KIAA1217: variants seen among roughly 807,000 people sequenced by gnomAD.
KIAA1217 encodes the protein KIAA1217, also known as sickle tail protein homolog.
Under a neutral mutation model 163.9 loss-of-function variants are expected in KIAA1217, and 88 were observed. That is an observed-to-expected ratio of 0.54 (90% CI 0.45 to 0.64). The LOEUF (loss-of-function observed/expected upper bound fraction) is 0.64, where lower values mean the gene tolerates loss of function less well. Among genes scored for constraint, KIAA1217 ranks in the 30% least tolerant of loss-of-function variants. KIAA1217 has a pLI of 0.00. For synonymous variants in KIAA1217, 903 were observed against 923.1 expected, an observed-to-expected ratio of 0.98 and a Z score of 0.39; for missense variants, 2,372 against 2,475.0, an observed-to-expected ratio of 0.96 and a Z score of 0.88.
At chr10:24,536,180 A>T (rs1023279604) in intron 16 of KIAA1217, among the ~76,000 whole-genome samples, 2 of 152,156 alleles carry the variant, frequency 1.3e-5, no homozygotes, top group Admixed American at 1.3e-4. Flanking sequence ...TTCAGAGACA[A>T]ATCTCCAGGG....
At chr10:23,763,524 G>A (rs572081134) in intron 1 of KIAA1217, among the ~76,000 whole-genome samples, 1 of 152,098 alleles carries the variant, frequency 6.6e-6, no homozygotes, top group South Asian at 2.1e-4. Flanking sequence ...GGTAAATGGT[G>A]CTGAGAAAAC....
Position 24,407,328 on chromosome 10 carries a change from C to T in KIAA1217, c.554-25667C>T, listed in dbSNP as rs370653318. Among the ~76,000 whole-genome samples, 5 of 152,172 alleles carry T rather than the reference C, an allele frequency of 3.3e-5. 1 individual carries two copies. Among genetic ancestry groups the T allele is most frequent in the African/African-American group, 1.2e-4 (5 of 41,508 alleles). ...CGTGCGCATGTGATGAAGTCTCACT[C>T]TGTTGCCCCGGCTGGAGTATAATAG... On this transcript the variant is annotated intron_variant, in intron 3 of 20. Coordinates refer to ENST00000376454, the MANE Select transcript of KIAA1217 (RefSeq NM_019590.5).
intron 1 of KIAA1217, among the ~76,000 whole-genome samples, chr10:23,742,870 A>G (rs1053369757): frequency 1.3e-5 from 2 of 152,234 alleles, no homozygotes. Context: ...TGATCATCAT[A>G]TAACAAGAAG....
At chr10:24,132,390 G>A (rs1037007514) in intron 2 of KIAA1217, among the ~76,000 whole-genome samples, 24 of 152,208 alleles carry the variant, frequency 1.6e-4, no homozygotes, top group African/African-American at 3.9e-4. Flanking sequence ...AATGCCAGTC[G>A]CTGTAAGAAA....
chr10:24,097,744 G>A lies in KIAA1217; in HGVS notation c.-171+90370G>A, dbSNP rs1473177677. 4.6e-5 allele frequency among the ~76,000 whole-genome samples: 7 copies of A among 152,324 alleles called. No individual in the cohort carries two copies. In the East Asian group the frequency reaches 1.4e-3, roughly 29 times the overall value. On this transcript the variant is annotated intron_variant, in intron 2 of 18. Transcript: ENST00000376462. ...TAAAAAACAGAAGTCATATTTCAAA[G>A]ACTGTCTGCATACCTCTTCCAAATC... is the stretch of plus-strand genomic sequence containing the variant.
At chr10:24,076,880 T>A (rs577309665) in intron 2 of KIAA1217, among the ~76,000 whole-genome samples, 1 of 110,092 alleles carries the variant, frequency 9.1e-6, no homozygotes, top group South Asian at 2.3e-4. Flanking sequence ...TTTCCATCTT[T>A]TTTTTTTTTT....
chr10:24,043,367 T>C (rs1418540679), intron 2 of KIAA1217, among the ~76,000 whole-genome samples: 1 of 152,186 alleles, frequency 6.6e-6, no homozygotes, highest in Non-Finnish European at 1.5e-5. Context: ...AAGTCTATTT[T>C]ATAATTTTAA....
At chr10:24,532,778 G>A (rs2073321661) in intron 15 of KIAA1217, among the ~76,000 whole-genome samples, 2 of 152,160 alleles carry the variant, frequency 1.3e-5, no homozygotes, top group African/African-American at 4.8e-5. Flanking sequence ...AATTACGGGA[G>A]CTACAGTTCA....
Position 24,520,209 on chromosome 10 carries a change from C to G in KIAA1217, c.2264C>G (p.Ala755Gly). 6.2e-7 allele frequency: 1 copy of G among 1,614,148 alleles called. No homozygotes were observed. The highest frequency in any genetic ancestry group is 1.3e-5 in the African/African-American group (1 of 75,034). Residue 755 changes from alanine (A) to glycine (G), a missense_variant, in exon 11 of 21, where the codon GCT becomes GGT. Coordinates refer to ENST00000376454, the MANE Select transcript of KIAA1217 (RefSeq NM_019590.5). ...ACTCTGAAAGACGTGGAAGACGGGGCTTTCCTCCTGCGTCAAGTGGGAGAG... is the reference window on the plus strand; with the variant it reads ...ACTCTGAAAGACGTGGAAGACGGGGGTTTCCTCCTGCGTCAAGTGGGAGAG... ...LVTLKDVEDGAFLLRQVGEAV... is the reference protein window; with the variant it reads ...LVTLKDVEDGGFLLRQVGEAV...
At chr10:24,130,485 G>A (rs545541411) in intron 2 of KIAA1217, among the ~76,000 whole-genome samples, 16 of 152,254 alleles carry the variant, frequency 1.1e-4, no homozygotes, top group African/African-American at 2.6e-4. Flanking sequence ...TGCATAATCT[G>A]TATCAAAGCA....
At chr10:24,066,767 A>G (rs1443992287) in intron 2 of KIAA1217, among the ~76,000 whole-genome samples, 1 of 152,116 alleles carries the variant, frequency 6.6e-6, no homozygotes, top group African/African-American at 2.4e-5. Context: ...CTCCCCGTCA[A>G]TTTCAGGTAC....
At chr10:23,849,804 C>T (rs2131092198) in intron 1 of KIAA1217, among the ~76,000 whole-genome samples, 1 of 152,222 alleles carries the variant, frequency 6.6e-6, no homozygotes. Flanking sequence ...TCTGTTCTAA[C>T]TCAGTCTTGG....
At chr10:24,064,678 C>G (rs943792767) in intron 2 of KIAA1217, among the ~76,000 whole-genome samples, 1 of 152,142 alleles carries the variant, frequency 6.6e-6, no homozygotes, top group African/African-American at 2.4e-5. Flanking sequence ...GGAAGATTCC[C>G]TCTTTTTCTA....
chr10:23,863,845 C>T (rs538794209), intron 1 of KIAA1217, among the ~76,000 whole-genome samples: 1 of 152,194 alleles, frequency 6.6e-6, no homozygotes, highest in South Asian at 2.1e-4. Context: ...CACAGCTTTC[C>T]TTATATTACA....
At chr10:23,769,053 A>C (rs1834678606) in intron 1 of KIAA1217, among the ~76,000 whole-genome samples, 1 of 152,190 alleles carries the variant, frequency 6.6e-6, no homozygotes, top group African/African-American at 2.4e-5. Flanking sequence ...ATTGCAATAG[A>C]GAAAGAGTAA....
chr10:24,115,551 T>C (rs2063019154), intron 2 of KIAA1217, among the ~76,000 whole-genome samples: 3 of 152,226 alleles, frequency 2.0e-5, no homozygotes, highest in African/African-American at 7.2e-5. Flanking sequence ...GGCTGTTCTC[T>C]TCCTGTTCCC....
chr10:24,266,174 G>A (rs1430920663), intron 2 of KIAA1217, among the ~76,000 whole-genome samples: 5 of 151,834 alleles, frequency 3.3e-5, no homozygotes, highest in Non-Finnish European at 7.4e-5. Flanking sequence ...TGCCTCCCGG[G>A]TTCAAGCAAT....
At chr10:23,997,254 A>G (rs970685520) in intron 1 of KIAA1217, among the ~76,000 whole-genome samples, 1 of 152,222 alleles carries the variant, frequency 6.6e-6, no homozygotes, top group Non-Finnish European at 1.5e-5. Context: ...ACATTTTCCC[A>G]CATTATCACA....
chr10:23,719,748 C>A (rs1429327501), intron 1 of KIAA1217, among the ~76,000 whole-genome samples: 2 of 151,804 alleles, frequency 1.3e-5, no homozygotes, highest in African/African-American at 4.8e-5. Flanking sequence ...GAAACCCCAT[C>A]TCCACTAAAA....
Sources: allele counts gnomAD v4.1 joint callset (sites outside exome capture counted in the v4.1 genomes callset), GRCh38; gene constraint gnomAD v4.1.1; transcripts MANE v1.5; gene names NCBI Gene and HGNC (gene_info 2026-07-23, HGNC 2026-07-21).